TACC1: variants seen among roughly 807,000 people sequenced by gnomAD.
The protein encoded by TACC1 is transforming acidic coiled-coil containing protein 1, also known as transforming acidic coiled-coil-containing protein 1.
A neutral mutation model predicts 84.4 loss-of-function variants in TACC1; 48 were observed. The ratio of observed to expected loss-of-function variants is 0.57; its 90% confidence interval spans 0.45 to 0.72. TACC1 has a LOEUF of 0.72. Among genes scored for constraint, TACC1 ranks in the 30% least tolerant of loss-of-function variants. The pLI, the probability that TACC1 is intolerant of heterozygous loss-of-function variation, is 0.00. For synonymous variants in TACC1, 372 were observed against 376.3 expected (o/e 0.99, Z 0.13); for missense variants, 920 against 973.0 (o/e 0.95, Z 0.72).
chr8:38,788,789 G>A lies in TACC1; in HGVS notation c.247G>A (p.Gly83Arg). The change falls in exon 2 of 13, where the codon GGA becomes AGA. Residue 83 changes from glycine to arginine, a missense_variant. Gly to Arg is a moderately radical substitution (Grantham distance 125). Coordinates refer to ENST00000317827, the MANE Select transcript of TACC1 (RefSeq NM_006283.3). ...CAAGGAGTCCTGTGATCCATCACTCGGATTGGCAGGACCTGGGGCCAAAAG... is the reference window on the plus strand; with the variant it reads ...CAAGGAGTCCTGTGATCCATCACTCAGATTGGCAGGACCTGGGGCCAAAAG... ...PFKESCDPSL[G>R]LAGPGAKSQE... The A allele has an allele frequency of 1.2e-6, 2 of 1,613,414 alleles. No individual in the cohort carries two copies. The highest frequency in any genetic ancestry group is 1.7e-6 in the Non-Finnish European group (2 of 1,179,628).
intron 2 of TACC1, among the ~76,000 whole-genome samples, chr8:38,815,684 G>C (rs1432418577): frequency 1.3e-5 from 2 of 152,110 alleles, no homozygotes; most frequent in East Asian, 1.9e-4. Context: ...CTCCCAAAGT[G>C]CTGGGATTAC....
intron 12 of TACC1, 51 bp from the exon 13 acceptor site, chr8:38,847,904 T>C (rs1454488786): frequency 1.3e-6 from 2 of 1,530,762 alleles, no homozygotes; most frequent in East Asian, 4.5e-5. Flanking sequence ...TCTATTTGCC[T>C]TTATTTCAGA....
chr8:38,740,637 T>A (rs1806877875), intron 1 of TACC1, among the ~76,000 whole-genome samples: 1 of 152,352 alleles, frequency 6.6e-6, no homozygotes, highest in East Asian at 1.9e-4. Context: ...TTGTCTGAAA[T>A]GTCTCCTCCC....
In TACC1 at chr8:38,769,063, TGTG is replaced by T. The variant is rs779980645; in HGVS notation, c.27-19639_27-19637del. Among the ~76,000 whole-genome samples the T allele has an allele frequency of 2.6e-4, 38 of 144,196 alleles. 1 individual carries two copies. The highest frequency in any genetic ancestry group is 1.5e-3 in the East Asian group (7 of 4,736). 94.6% of individuals were successfully genotyped at this position (144,196 alleles called of 152,430 possible). A position where few individuals can be genotyped will look rare whatever the true frequency, so the allele number is the denominator to read the frequency against. ...GTGTATGGTGTGTGTGTGAGACTGTTGTGGGGAGGTTTGTGTGACTGTGTGGTG... is the reference window on the plus strand; with the variant it reads ...GTGTATGGTGTGTGTGTGAGACTGTTGGGAGGTTTGTGTGACTGTGTGGTG... On this transcript the variant is annotated intron_variant, in intron 3 of 14. Coordinates refer to the TACC1 transcript ENST00000518415.
At chr8:38,834,727 T>G (rs1407552296) in intron 6 of TACC1, among the ~76,000 whole-genome samples, 1 of 152,178 alleles carries the variant, frequency 6.6e-6, no homozygotes, top group Admixed American at 6.5e-5. Flanking sequence ...AAATTCTGTT[T>G]CTGAGCATTT....
At chr8:38,748,057 C>T (rs965101459) in intron 3 of TACC1, among the ~76,000 whole-genome samples, 2 of 152,018 alleles carry the variant, frequency 1.3e-5, no homozygotes, top group African/African-American at 2.4e-5. Context: ...TAAATATAAA[C>T]TATGTGCAAA....
chr8:38,831,809 C>CT lies in TACC1; in HGVS notation c.1713+646dup, dbSNP rs34500240. Among the ~76,000 whole-genome samples, 1,315 of 142,454 alleles carry CT rather than the reference C, an allele frequency of 9.2e-3. 17 individuals are homozygous for CT. The highest frequency in any genetic ancestry group is 0.026 in the African/African-American group (1,012 of 38,708). 93.5% of individuals were successfully genotyped at this position (142,454 alleles called of 152,430 possible). On this transcript the variant is annotated intron_variant, in intron 6 of 12. Coordinates refer to ENST00000317827, the MANE Select transcript of TACC1 (RefSeq NM_006283.3). ...CTGCACCTGGCTGGTTTACTCAGTT[C>CT]TTTTTTTTTTTTTTGAGACAGAGTT...
In TACC1 at chr8:38,850,259, C is replaced by T. The variant is rs1832904854; in HGVS notation, c.*2236C>T. 6.6e-6 allele frequency: 1 copy of T among 152,190 alleles called. No homozygotes were observed. The highest frequency in any genetic ancestry group is 2.4e-5 in the African/African-American group (1 of 41,426). 9.4% of individuals were successfully genotyped at this position (152,190 alleles called of 1,614,324 possible). On this transcript the variant is annotated 3_prime_UTR_variant, in exon 13 of 13. Coordinates refer to ENST00000317827, the MANE Select transcript of TACC1 (RefSeq NM_006283.3). ...ATTGTCCTGGCCTCTCAGCCATGACCGTTATGAGGAAATATCCCCCATTCG... is the reference window on the plus strand; with the variant it reads ...ATTGTCCTGGCCTCTCAGCCATGACTGTTATGAGGAAATATCCCCCATTCG...
intron 2 of TACC1, among the ~76,000 whole-genome samples, chr8:38,801,759 C>T (rs1457773163): frequency 1.3e-5 from 2 of 152,174 alleles, no homozygotes; most frequent in Non-Finnish European, 2.9e-5. Context: ...GCAAAGAAGG[C>T]AGCTGGGATT....
At chr8:38,778,274 T>TCG (rs1554505822) in intron 3 of TACC1, among the ~76,000 whole-genome samples, 1 of 148,256 alleles carries the variant, frequency 6.7e-6, no homozygotes, top group Admixed American at 6.8e-5. Context: ...ATAATTAAAA[T>TCG]TGTGTGTGTG....
At chr8:38,821,927 G>A (rs1826902700) in intron 3 of TACC1, among the ~76,000 whole-genome samples, 1 of 152,032 alleles carries the variant, frequency 6.6e-6, no homozygotes, top group African/African-American at 2.4e-5. Context: ...GCACATTATT[G>A]TACTGAATAG....
upstream of TACC1, among the ~76,000 whole-genome samples, chr8:38,784,410 T>TA (rs1162675143): frequency 6.6e-6 from 1 of 151,594 alleles, no homozygotes; most frequent in Non-Finnish European, 1.5e-5. Flanking sequence ...TACTAAAAAA[T>TA]AAAAAAATTA....
chr8:38,789,945 C>A (rs1019075872), intron 2 of TACC1, among the ~76,000 whole-genome samples: 6 of 152,182 alleles, frequency 3.9e-5, no homozygotes, highest in Non-Finnish European at 8.8e-5. Context: ...AGGTGGAAAG[C>A]CACTGGAGGG....
At chr8:38,801,159 A>T (rs1338247917) in intron 2 of TACC1, among the ~76,000 whole-genome samples, 3 of 152,198 alleles carry the variant, frequency 2.0e-5, no homozygotes, top group Admixed American at 6.5e-5. Flanking sequence ...TAGATATGTG[A>T]CTAAATATTT....
intron 2 of TACC1, among the ~76,000 whole-genome samples, chr8:38,812,234 G>A (rs1824353546): frequency 6.6e-6 from 1 of 152,004 alleles, no homozygotes; most frequent in African/African-American, 2.4e-5. Context: ...TCTTTGCTTT[G>A]CCCCTTGCCT....
chr8:38,800,116 G>A (rs1025487690), intron 2 of TACC1, among the ~76,000 whole-genome samples: 3 of 152,186 alleles, frequency 2.0e-5, no homozygotes, highest in Non-Finnish European at 4.4e-5. Flanking sequence ...AGCCGTAATC[G>A]CCCCACTGTA....
intron 3 of TACC1, among the ~76,000 whole-genome samples, chr8:38,762,484 G>A (rs1166364921): frequency 6.6e-6 from 1 of 151,874 alleles, no homozygotes; most frequent in Non-Finnish European, 1.5e-5. Context: ...ATTCCATTGT[G>A]TATATATACC....
Position 38,827,299 on chromosome 8 carries a change from GGAA to G in TACC1, c.1587_1589del (p.Glu529del). 2 of 1,614,188 alleles carry G rather than the reference GGAA, an allele frequency of 1.2e-6. No homozygotes were observed. Among genetic ancestry groups the G allele is most frequent in the Non-Finnish European group, 1.7e-6 (2 of 1,180,036 alleles). On this transcript the variant is annotated inframe_deletion, in exon 5 of 13. Transcript: ENST00000317827. ...GTGCCGAGGTGAAAGGTGAGCCAGA[GGAA>G]GACCTGGAGTACTTTGAATGTTCCA...
chr8:38,742,377 G>T, exon 2 of TACC1: 2 of 1,478,230 alleles, frequency 1.4e-6, no homozygotes, highest in Non-Finnish European at 1.8e-6. Flanking sequence ...GCCAGAGAGA[G>T]GTCCTGGTCT....
Sources: gnomAD v4.1 joint callset for allele counts (sites outside exome capture counted in the v4.1 genomes callset) on GRCh38, gnomAD v4.1.1 for gene constraint, MANE v1.5 for transcripts, NCBI Gene and HGNC (gene_info 2026-07-23, HGNC 2026-07-21) for gene names.